Variants in SAMD4A observed in about 807,000 individuals in gnomAD.
SAMD4A encodes the protein sterile alpha motif domain containing 4A.
A neutral mutation model predicts 81.3 loss-of-function variants in SAMD4A; 33 were observed. That is an observed-to-expected ratio of 0.41 (90% CI 0.31 to 0.54). The LOEUF (loss-of-function observed/expected upper bound fraction) is 0.54, where lower values mean the gene tolerates loss of function less well. SAMD4A is among the 20% of genes least tolerant of loss of function. SAMD4A has a pLI of 0.37. For missense variants in SAMD4A, 854 were observed against 951.1 expected (o/e 0.90, Z 1.34); for synonymous variants, 389 against 382.1 (o/e 1.02, Z -0.21).
intron 2 of SAMD4A, among the ~76,000 whole-genome samples, chr14:54,602,780 A>G (rs920356525): frequency 7.1e-6 from 1 of 139,950 alleles, no homozygotes. Context: ...CATGTACCCT[A>G]GAACTTAAAG....
chr14:54,685,731 A>G (rs1406967255), intron 2 of SAMD4A: 1 of 456,602 alleles, frequency 2.2e-6, no homozygotes, highest in Non-Finnish European at 4.4e-6. Flanking sequence ...TGGTAAGAAC[A>G]CTTACAACCA....
At chr14:54,750,036 C>T (rs1174879810) in intron 5 of SAMD4A, among the ~76,000 whole-genome samples, 2 of 152,224 alleles carry the variant, frequency 1.3e-5, no homozygotes, top group Admixed American at 1.3e-4. Flanking sequence ...CCTAACATTT[C>T]TCCCACCTCT....
chr14:54,593,031 A>G (rs2033821106), intron 2 of SAMD4A, among the ~76,000 whole-genome samples: 1 of 152,246 alleles, frequency 6.6e-6, no homozygotes, highest in Non-Finnish European at 1.5e-5. Context: ...AAAATTTTAG[A>G]CATAGAAAAA....
chr14:54,712,766 T>C (rs536000082), intron 3 of SAMD4A, among the ~76,000 whole-genome samples: 5 of 152,328 alleles, frequency 3.3e-5, no homozygotes. Flanking sequence ...CCTTGGGTCA[T>C]GAGGCTGTGC....
intron 3 of SAMD4A, among the ~76,000 whole-genome samples, chr14:54,723,260 C>T (rs2037308854): frequency 6.6e-6 from 1 of 152,062 alleles, no homozygotes; most frequent in Admixed American, 6.6e-5. Flanking sequence ...GCTTTGTGCA[C>T]CATTTGGGGA....
chr14:54,739,686 A>G (rs979004918), intron 4 of SAMD4A, among the ~76,000 whole-genome samples: 3 of 152,172 alleles, frequency 2.0e-5, no homozygotes, highest in African/African-American at 7.2e-5. Context: ...TTCAATAGAA[A>G]TGTCCCTCCC....
chr14:54,629,024 G>C (rs1240450245), intron 2 of SAMD4A, among the ~76,000 whole-genome samples: 1 of 152,050 alleles, frequency 6.6e-6, no homozygotes, highest in Non-Finnish European at 1.5e-5. Context: ...TTGGAAATAG[G>C]GTCTTTGCAG....
chr14:54,784,438 T>C, intron 11 of SAMD4A, 99 bp from the exon 12 acceptor site: 2 of 1,612,924 alleles, frequency 1.2e-6, no homozygotes, highest in Non-Finnish European at 1.7e-6. Flanking sequence ...CCCCAAGTCC[T>C]CCCAGGGAGG....
intron 2 of SAMD4A, among the ~76,000 whole-genome samples, chr14:54,592,429 A>G (rs1047053688): frequency 6.6e-6 from 1 of 152,074 alleles, no homozygotes; most frequent in Non-Finnish European, 1.5e-5. Flanking sequence ...TTATTACCGA[A>G]GTGAAACATT....
intron 2 of SAMD4A, among the ~76,000 whole-genome samples, chr14:54,688,759 G>A (rs947322995): frequency 6.6e-5 from 10 of 151,978 alleles, no homozygotes; most frequent in Non-Finnish European, 1.5e-4. Context: ...AAGAAATCAT[G>A]GTTCCCACCT....
chr14:54,567,955 G>C lies in SAMD4A; in HGVS notation c.39G>C (p.Trp13Cys), dbSNP rs2032989383. ...FRDQVGVLAGWFKGWNECEQT... is the reference protein window; with the variant it reads ...FRDQVGVLAGCFKGWNECEQT... ...ACCAGGTCGGGGTGCTGGCGGGCTG[G>C]TTTAAGGGCTGGAACGAGTGCGAGC... Residue 13 changes from tryptophan to cysteine, a missense_variant, in exon 2 of 13, where the codon TGG (tryptophan) becomes TGC (cysteine). Transcript: ENST00000554335. 2 of 1,610,262 alleles carry C rather than the reference G, an allele frequency of 1.2e-6. No individual in the cohort carries two copies. The highest frequency in any genetic ancestry group is 1.7e-5 in the Admixed American group (1 of 59,894).
chr14:54,687,964 C>G (rs1171269023), intron 2 of SAMD4A: 20 of 985,810 alleles, frequency 2.0e-5, no homozygotes, highest in Non-Finnish European at 2.4e-5. Flanking sequence ...TAATACCCAG[C>G]CAGACACTCA....
chr14:54,653,673 C>T (rs929320327), intron 2 of SAMD4A, among the ~76,000 whole-genome samples: 1 of 152,062 alleles, frequency 6.6e-6, no homozygotes, highest in Non-Finnish European at 1.5e-5. Context: ...CTTCTTGACA[C>T]ATGAAAATAG....
chr14:54,662,942 A>T (rs2035676521), intron 2 of SAMD4A, among the ~76,000 whole-genome samples: 1 of 152,134 alleles, frequency 6.6e-6, no homozygotes, highest in South Asian at 2.1e-4. Context: ...TGGGCAGTAA[A>T]CCAAAGGTCA....
chr14:54,567,817 C>A lies in SAMD4A; in HGVS notation c.-100C>A. The A allele has an allele frequency of 7.7e-7, 1 of 1,297,636 alleles. No homozygotes were observed. Among genetic ancestry groups the A allele is most frequent in the East Asian group, 2.6e-5 (1 of 38,450 alleles). 80.4% of individuals were successfully genotyped at this position (1,297,636 alleles called of 1,614,324 possible). A position where few individuals can be genotyped will look rare whatever the true frequency, so the allele number is the denominator to read the frequency against. The stretch of plus-strand genomic sequence containing the variant: ...CCAGAGCCACCTTGGAACAGGAACG[C>A]GTCTCCGGCCGCGGGGCTGCGGCTC... On this transcript the variant is annotated 5_prime_UTR_variant, in exon 2 of 13. Transcript: ENST00000554335.
rs1343817273 is a variant in SAMD4A, at chr14:54,748,879, C to T, written c.1044C>T (p.Thr348=). 6.4e-7 allele frequency: 1 copy of T among 1,555,320 alleles called. No individual in the cohort carries two copies. Among genetic ancestry groups the T allele is most frequent in the Non-Finnish European group, 8.7e-7 (1 of 1,148,652 alleles). Residue 348 remains threonine (T), a synonymous_variant, in exon 5 of 13, where the codon ACC becomes ACT. Coordinates refer to ENST00000554335, the MANE Select transcript of SAMD4A (RefSeq NM_015589.6). ...ATGCCGCGCTTTTCTCCCAGATGAC[C>T]TATGAGGAGATGATGGCCCTCACCG... ...HKYAALFSQM[T]YEEMMALTEC...
intron 3 of SAMD4A, among the ~76,000 whole-genome samples, chr14:54,736,147 G>A (rs546313245): frequency 1.9e-3 from 293 of 152,180 alleles, no homozygotes; most frequent in Non-Finnish European, 3.1e-3. Flanking sequence ...TCCCTCCCTC[G>A]AATGACTTCA....
intron 2 of SAMD4A, among the ~76,000 whole-genome samples, chr14:54,692,308 C>T (rs1272747782): frequency 6.6e-6 from 1 of 152,186 alleles, no homozygotes; most frequent in African/African-American, 2.4e-5. Context: ...GGCTGTTGTT[C>T]CGTTTGCTCC....
chr14:54,627,279 A>C (rs1263736390), intron 2 of SAMD4A, among the ~76,000 whole-genome samples: 1 of 152,112 alleles, frequency 6.6e-6, no homozygotes, highest in Non-Finnish European at 1.5e-5. Flanking sequence ...TTTTTTAAAG[A>C]AATTTTGTCA....
Sources: gnomAD v4.1 joint callset for allele counts (sites outside exome capture counted in the v4.1 genomes callset) on GRCh38, gnomAD v4.1.1 for gene constraint, MANE v1.5 for transcripts, NCBI Gene and HGNC (gene_info 2026-07-23, HGNC 2026-07-21) for gene names.